The following CIP2A variants were observed in gnomAD, a reference collection of about 807,000 sequenced individuals.
CIP2A encodes the protein cellular inhibitor of PP2A, also known as protein CIP2A.
Under a neutral mutation model 110.9 loss-of-function variants are expected in CIP2A, and 103 were observed. The observed-to-expected ratio is 0.93, with a 90% CI of 0.79 to 1.09. CIP2A has a LOEUF of 1.09. CIP2A is among the 50% of genes least tolerant of loss of function. The probability of loss-of-function intolerance (pLI) is 0.00; values close to 1 mark genes in which losing one functional copy is unlikely to be tolerated. For missense variants in CIP2A, 1,088 were observed against 1,038.4 expected, an observed-to-expected ratio of 1.05 and a Z score of -0.66; for synonymous variants, 381 against 361.6, an observed-to-expected ratio of 1.05 and a Z score of -0.61.
At position 108,566,612 on chromosome 3, in the gene CIP2A, T is replaced by C; in HGVS notation, c.1300A>G (p.Met434Val). The stretch of plus-strand genomic sequence containing the variant: ...GTTGTCAAGATTTTTGCAATATGCA[T>C]TTTTAGTGTATCATCTCCACAGAGA... The part of the protein sequence containing the change: ...LTLCGDDTLK[M>V]HIAKILTTVK... The change falls in exon 11 of 21, where the codon ATG becomes GTG. Residue 434 changes from methionine (M) to valine (V), a missense_variant. Met to Val is a conservative substitution (Grantham distance 21, BLOSUM62 1). Transcript: ENST00000295746. 4 of 1,604,968 alleles carry C rather than the reference T, an allele frequency of 2.5e-6. No individual in the cohort carries two copies. The highest frequency in any genetic ancestry group is 3.4e-6 in the Non-Finnish European group (4 of 1,175,250).
intron 16 of CIP2A, among the ~76,000 whole-genome samples, chr3:108,558,319 T>C (rs1937882634): frequency 6.6e-6 from 1 of 152,180 alleles, no homozygotes; most frequent in Middle Eastern, 3.2e-3. Context: ...GGCATTTTAC[T>C]AGTCACTTAT....
rs1472557212 is a variant in CIP2A, at chr3:108,585,216, TAA to T, written c.103-6_103-5del. 1 of 1,595,996 alleles carries T rather than the reference TAA, an allele frequency of 6.3e-7. No individual in the cohort carries two copies. Among genetic ancestry groups the T allele is most frequent in the Non-Finnish European group, 8.5e-7 (1 of 1,170,160 alleles). ...TGAGTTTCTGTCCAGAAATTACCTA[TAA>T]AATAGTAATCAAAATGTGTTGGTTA... is the stretch of plus-strand genomic sequence containing the variant. On this transcript the variant is annotated splice_polypyrimidine_tract_variant and splice_region_variant and intron_variant, in intron 1 of 20. Transcript: ENST00000295746.
At chr3:108,575,270 ATACACACACACGTGTACG>A (rs1487024719) in intron 8 of CIP2A, among the ~76,000 whole-genome samples, 57 of 151,856 alleles carry the variant, frequency 3.8e-4, no homozygotes, top group African/African-American at 1.4e-3. Context: ...ACATGTGTAT[ATACACACACACGTGTACG>A]TACACACACG....
chr3:108,578,133 A>T (rs1938745216), intron 7 of CIP2A, among the ~76,000 whole-genome samples: 2 of 152,242 alleles, frequency 1.3e-5, no homozygotes, highest in African/African-American at 4.8e-5. Flanking sequence ...GATAGAGTAT[A>T]AAATAGATAA....
intron 2 of CIP2A, among the ~76,000 whole-genome samples, chr3:108,584,265 C>T (rs1432879307): frequency 6.6e-6 from 1 of 152,122 alleles, no homozygotes; most frequent in African/African-American, 2.4e-5. Context: ...ATTAAAGATA[C>T]TGATATGGAA....
At position 108,569,527 on chromosome 3, in the gene CIP2A, T is replaced by C; in HGVS notation, c.975A>G (p.Pro325=). 2 of 1,612,584 alleles carry C rather than the reference T, an allele frequency of 1.2e-6. No homozygotes were observed. The highest frequency in any genetic ancestry group is 1.7e-6 in the Non-Finnish European group (2 of 1,179,264). The change falls in exon 9 of 21, where the codon CCA becomes CCG. Residue 325 remains proline (P), a synonymous_variant. Coordinates refer to ENST00000295746, the MANE Select transcript of CIP2A (RefSeq NM_020890.3). ...GGCTTCCCAGAGTGGCGCTGCCAGG[T>C]GGAGACTGTTCAAACATCATCTGAG... ...MLTQMMFEQS[P]PGSATLGSHT...
At chr3:108,553,894 T>TACAAAAA (rs1303036231) in intron 18 of CIP2A, among the ~76,000 whole-genome samples, 164 bp from the exon 19 acceptor site, 3,057 of 49,642 alleles carry the variant, frequency 0.062, 1,004 homozygotes, top group African/African-American at 0.15. Context: ...CTACTAAAAA[T>TACAAAAA]ATAAAAAAAA....
chr3:108,560,653 A>G lies in CIP2A; in HGVS notation c.1823T>C (p.Met608Thr). ...EELIEKLQSGMVVKDQICDVR... is the reference protein window; with the variant it reads ...EELIEKLQSGTVVKDQICDVR... ...AATTGCTATTTTTTCACTCACCACC[A>G]TTCCAGACTGAAGTTTCTCTATTAA... The change falls in exon 14 of 21, where the codon ATG (methionine) becomes ACG (threonine). Residue 608 changes from methionine (M) to threonine (T), a missense_variant. Met to Thr is a moderately conservative substitution (Grantham distance 81, BLOSUM62 -1). Transcript: ENST00000295746. The G allele has an allele frequency of 1.2e-6, 2 of 1,601,254 alleles. No individual in the cohort carries two copies. Among genetic ancestry groups the G allele is most frequent in the Non-Finnish European group, 1.7e-6 (2 of 1,172,532 alleles).
intron 9 of CIP2A, among the ~76,000 whole-genome samples, chr3:108,568,642 TTAAA>T (rs1458755430): frequency 1.3e-5 from 2 of 151,966 alleles, no homozygotes; most frequent in Non-Finnish European, 2.9e-5. Context: ...ATAACAATAA[TTAAA>T]TAATAGACAT....
chr3:108,564,390 CA>C (rs552924157), intron 12 of CIP2A, among the ~76,000 whole-genome samples: 242 of 152,090 alleles, frequency 1.6e-3, no homozygotes, highest in Admixed American at 4.1e-3. Flanking sequence ...TAAGCTACTG[CA>C]GTAATTTAAT....
rs1469962670 is a variant in CIP2A, at chr3:108,573,893, C to T, written c.894+2378G>A. Among the ~76,000 whole-genome samples, 3 of 151,954 alleles carry T rather than the reference C, an allele frequency of 2.0e-5. No homozygotes were observed. In the East Asian group the frequency reaches 5.8e-4, roughly 29 times the overall value. On this transcript the variant is annotated intron_variant, in intron 8 of 20. Coordinates refer to ENST00000295746, the MANE Select transcript of CIP2A (RefSeq NM_020890.3). ...AGGCTGACCTGGAAAAGTCGTACTTCACAACAGACACAAAAGTCACTTGTA... is the reference window on the plus strand; with the variant it reads ...AGGCTGACCTGGAAAAGTCGTACTTTACAACAGACACAAAAGTCACTTGTA...
intron 8 of CIP2A, among the ~76,000 whole-genome samples, chr3:108,570,563 A>C (rs1364634668): frequency 1.3e-5 from 2 of 152,150 alleles, no homozygotes; most frequent in Non-Finnish European, 1.5e-5. Context: ...TACTGTACTA[A>C]ATACTGTAGG....
intron 12 of CIP2A, among the ~76,000 whole-genome samples, chr3:108,563,851 T>C (rs542306278): frequency 5.3e-5 from 8 of 151,926 alleles, no homozygotes; most frequent in Non-Finnish European, 1.5e-5. Flanking sequence ...GCATCCCTAA[T>C]CCAAAAACCC....
Position 108,573,698 on chromosome 3 carries a change from C to T in CIP2A, c.894+2573G>A, listed in dbSNP as rs181954949. On this transcript the variant is annotated intron_variant, in intron 8 of 20. Transcript: ENST00000295746. ...CTAATTAGAAATAGTTCTCATATTG[C>T]ACATGAGAAAGGAATTTAGAAATTC... Among the ~76,000 whole-genome samples, 10 of 151,992 alleles carry T rather than the reference C, an allele frequency of 6.6e-5. No homozygotes were observed. In the East Asian group the frequency reaches 1.9e-3, roughly 29 times the overall value.
Position 108,550,965 on chromosome 3 carries a change from G to C in CIP2A, c.*184C>G. ...AGCCAGAAACAAAAAGTAAAACTTA[G>C]AAAATTAAATTTCTATTCAAACTAT... On this transcript the variant is annotated 3_prime_UTR_variant, in exon 21 of 21. Transcript: ENST00000295746. 1 of 364,508 alleles carries C rather than the reference G, an allele frequency of 2.7e-6. No homozygotes were observed. The highest frequency in any genetic ancestry group is 4.8e-6 in the Non-Finnish European group (1 of 207,744). The allele number at this position is 364,508 out of a possible 1,614,324, so 22.6% of individuals were successfully genotyped here.
intron 12 of CIP2A, among the ~76,000 whole-genome samples, chr3:108,563,946 C>T (rs1466603474): frequency 6.6e-6 from 1 of 151,872 alleles, no homozygotes; most frequent in Admixed American, 6.6e-5. Flanking sequence ...TGGAGCATTT[C>T]AGATTTCAGA....
chr3:108,559,416 T>C lies in CIP2A; in HGVS notation c.2013+341A>G, dbSNP rs184349789. ...GCACATAGTGCTCAGGAAAATGATC[T>C]GTGCTTGACATATAAAATTAGGAAC... is the stretch of plus-strand genomic sequence containing the variant. On this transcript the variant is annotated intron_variant, in intron 16 of 20. Transcript: ENST00000295746. 2.0e-5 allele frequency among the ~76,000 whole-genome samples: 3 copies of C among 152,304 alleles called. No individual in the cohort carries two copies. The East Asian group carries it at 5.8e-4, about 29-fold the overall frequency.
chr3:108,569,466 G>A lies in CIP2A; in HGVS notation c.1036C>T (p.Arg346Cys), dbSNP rs1164937135. ...CCGTCCAAAGGTTGGCTTAACCAGC[G>A]CAGTAGAGCCACAGTAGGTTCTAAA... ...KCLEPTVALL[R>C]WLSQPLDGSE... Residue 346 changes from arginine (R) to cysteine (C), a missense_variant, in exon 9 of 21, where the codon CGC becomes TGC. Arg to Cys is a radical substitution (Grantham distance 180). Coordinates refer to ENST00000295746, the MANE Select transcript of CIP2A (RefSeq NM_020890.3). 2.2e-5 allele frequency: 35 copies of A among 1,612,650 alleles called. No homozygotes were observed. Among genetic ancestry groups the A allele is most frequent in the South Asian group, 8.8e-5 (8 of 91,054 alleles).
intron 16 of CIP2A, among the ~76,000 whole-genome samples, chr3:108,558,012 G>A (rs973716543): frequency 1.3e-5 from 2 of 152,026 alleles, no homozygotes; most frequent in Admixed American, 1.3e-4. Flanking sequence ...CTGTTTTTAC[G>A]ACTTTGTGAA....
Sources: allele counts gnomAD v4.1 joint callset (sites outside exome capture counted in the v4.1 genomes callset), GRCh38; gene constraint gnomAD v4.1.1; transcripts MANE v1.5; gene names NCBI Gene and HGNC (gene_info 2026-07-23, HGNC 2026-07-21).